The following GPHN variants were observed in gnomAD, a reference collection of about 807,000 sequenced individuals.
GPHN encodes gephyrin.
In GPHN, 17 loss-of-function variants were observed where a neutral mutation model predicts 95.5. The ratio of observed to expected loss-of-function variants is 0.18; its 90% CI spans 0.12 to 0.27. The LOEUF (loss-of-function observed/expected upper bound fraction) is 0.27. Among genes scored for constraint, GPHN ranks in the 10% least tolerant of loss-of-function variants. The probability of loss-of-function intolerance (pLI) is 1.00; values close to 1 mark genes in which losing one functional copy is unlikely to be tolerated. For missense variants in GPHN, 660 were observed against 978.1 expected (o/e 0.67, Z 4.34); for synonymous variants, 320 against 322.5 (o/e 0.99, Z 0.08).
chr14:67,108,575 T>C (rs1338181930), intron 13 of GPHN, among the ~76,000 whole-genome samples: 1 of 152,140 alleles, frequency 6.6e-6, no homozygotes, highest in Non-Finnish European at 1.5e-5. Flanking sequence ...TCAATAAATA[T>C]TAGTTATTGG....
the GPHN span, among the ~76,000 whole-genome samples, chr14:67,606,618 A>T: frequency 6.6e-6 from 1 of 151,604 alleles, no homozygotes; most frequent in Non-Finnish European, 1.5e-5. Flanking sequence ...AAAGGTAAAA[A>T]AGCCCTGGTT....
At chr14:67,026,683 C>T (rs1030169746) in intron 10 of GPHN, among the ~76,000 whole-genome samples, 2 of 152,178 alleles carry the variant, frequency 1.3e-5, no homozygotes, top group African/African-American at 4.8e-5. Context: ...CCCGCTGTCG[C>T]CCAGGTTGGA....
At chr14:67,632,912 C>T in the GPHN span, among the ~76,000 whole-genome samples, 3 of 149,024 alleles carry the variant, frequency 2.0e-5, no homozygotes, top group Non-Finnish European at 3.0e-5. Flanking sequence ...GCTCCGCCTC[C>T]CGGGTTCACA....
chr14:66,547,286 C>G (rs928532894), intron 1 of GPHN, among the ~76,000 whole-genome samples: 1 of 152,116 alleles, frequency 6.6e-6, no homozygotes, highest in Non-Finnish European at 1.5e-5. Flanking sequence ...TTCACAGTTT[C>G]TGGTATATAG....
intron 2 of GPHN, among the ~76,000 whole-genome samples, chr14:66,696,064 T>C (rs907144180): frequency 2.6e-5 from 4 of 152,172 alleles, no homozygotes; most frequent in African/African-American, 9.6e-5. Flanking sequence ...TGCCACTTCG[T>C]TGGGGTATGT....
chr14:66,516,351 C>G (rs754095184), intron 1 of GPHN, among the ~76,000 whole-genome samples: 1 of 152,044 alleles, frequency 6.6e-6, no homozygotes, highest in Non-Finnish European at 1.5e-5. Context: ...TTCTGAATAT[C>G]TGTTACTGTG....
chr14:67,451,483 A>G, the GPHN span, among the ~76,000 whole-genome samples: 2 of 152,250 alleles, frequency 1.3e-5, no homozygotes, highest in African/African-American at 2.4e-5. Context: ...GCTCAAGACC[A>G]TGGGAACCTT....
chr14:66,797,687 A>G lies in GPHN; in HGVS notation c.201+21166A>G, dbSNP rs181693079. Among the ~76,000 whole-genome samples, 456 of 152,058 alleles carry G rather than the reference A, an allele frequency of 3.0e-3. 3 individuals carry two copies. The highest frequency in any genetic ancestry group is 0.011 in the African/African-American group (438 of 41,552). ...TTTGTATGTTGATTTTGTATCCTGT[A>G]ACTTCACTGAATTTATCAGTTCTAA... On this transcript the variant is annotated intron_variant, in intron 3 of 22. Transcript: ENST00000478722.
the GPHN span, among the ~76,000 whole-genome samples, chr14:67,599,871 A>T: frequency 6.6e-5 from 10 of 152,184 alleles, no homozygotes. Context: ...CCAGCAGCGG[A>T]ATATCGTCCC....
At chr14:67,453,849 T>C in the GPHN span, among the ~76,000 whole-genome samples, 2 of 152,354 alleles carry the variant, frequency 1.3e-5, no homozygotes, top group South Asian at 2.1e-4. Flanking sequence ...GCTGTGACTG[T>C]AGATCCTGGC....
chr14:67,066,636 C>CT (rs1375194189), intron 11 of GPHN, among the ~76,000 whole-genome samples: 1 of 151,988 alleles, frequency 6.6e-6, no homozygotes, highest in African/African-American at 2.4e-5. Context: ...TCTTTTTACT[C>CT]TTTTTTTTCT....
the GPHN span, chr14:67,575,850 G>A: frequency 6.2e-7 from 1 of 1,613,858 alleles, no homozygotes; most frequent in Admixed American, 1.7e-5. Flanking sequence ...GCCTGTGCGG[G>A]ATGCGCACAT....
Position 66,508,436 on chromosome 14 carries a change from C to T in GPHN, c.-92C>T. 3 of 1,120,946 alleles carry T rather than the reference C, an allele frequency of 2.7e-6. No individual in the cohort carries two copies. Among genetic ancestry groups the T allele is most frequent in the African/African-American group, 1.5e-5 (1 of 65,750 alleles). 69.4% of individuals were successfully genotyped at this position (1,120,946 alleles called of 1,614,324 possible). A position where few individuals can be genotyped will look rare whatever the true frequency, so the allele number is the denominator to read the frequency against. On this transcript the variant is annotated 5_prime_UTR_variant, in exon 1 of 23. Coordinates refer to ENST00000478722, the MANE Select transcript of GPHN (RefSeq NM_020806.5). ...CGCGCTTCTCTGGCTCCCTAGCTGT[C>T]GCGCTCTCCTCGGCGAGCGCGCTCC... is the stretch of plus-strand genomic sequence containing the variant.
the GPHN span, among the ~76,000 whole-genome samples, chr14:67,370,222 A>G: frequency 6.6e-6 from 1 of 152,216 alleles, no homozygotes; most frequent in Non-Finnish European, 1.5e-5. Flanking sequence ...ACAACCTTCC[A>G]GCTTGGGCGT....
intron 1 of GPHN, among the ~76,000 whole-genome samples, chr14:66,624,200 C>T (rs2063428531): frequency 6.6e-6 from 1 of 152,202 alleles, no homozygotes. Flanking sequence ...AACATGTTTT[C>T]TCTTAGTACA....
chr14:66,898,748 G>A (rs867731297), intron 5 of GPHN, among the ~76,000 whole-genome samples: 1 of 151,700 alleles, frequency 6.6e-6, no homozygotes, highest in Non-Finnish European at 1.5e-5. Context: ...TTTAGAATAA[G>A]TTTGTCTATA....
chr14:67,023,822 G>T, intron 10 of GPHN, 147 bp downstream of exon 10: 1 of 714,646 alleles, frequency 1.4e-6, no homozygotes, highest in Non-Finnish European at 2.5e-6. Flanking sequence ...TAAAAATATT[G>T]CCAGTATCAA....
At chr14:67,685,212 G>C in the GPHN span, 1 of 1,607,890 alleles carries the variant, frequency 6.2e-7, no homozygotes, top group Non-Finnish European at 8.5e-7. Flanking sequence ...AGCCTGGTTG[G>C]GGGTGGCATG....
the GPHN span, among the ~76,000 whole-genome samples, chr14:67,365,951 T>C: frequency 1.3e-5 from 2 of 152,212 alleles, no homozygotes; most frequent in African/African-American, 4.8e-5. Context: ...TGGATTGTTT[T>C]AAATGTTTTG....
Sources: gnomAD v4.1 joint callset for allele counts (sites outside exome capture counted in the v4.1 genomes callset) on GRCh38, gnomAD v4.1.1 for gene constraint, MANE v1.5 for transcripts, NCBI Gene and HGNC (gene_info 2026-07-23, HGNC 2026-07-21) for gene names.